Variants in MEGF8 observed in about 807,000 individuals in gnomAD.
MEGF8 encodes the protein multiple epidermal growth factor-like domains protein 8.
MEGF8 carries 156 observed loss-of-function variants against 302.9 expected under a neutral mutation model. That is an observed-to-expected ratio of 0.52 (90% CI 0.45 to 0.59). The LOEUF (loss-of-function observed/expected upper bound fraction) is 0.59. Among genes scored for constraint, MEGF8 ranks in the 20% least tolerant of loss-of-function variants. The probability of loss-of-function intolerance (pLI) is 0.00; values close to 1 mark genes in which losing one functional copy is unlikely to be tolerated. For synonymous variants in MEGF8, 1,621 were observed against 1,660.5 expected (o/e 0.98, Z 0.58); for missense variants, 3,345 against 3,964.5 (o/e 0.84, Z 4.20).
chr19:42,362,388 C>T lies in MEGF8; in HGVS notation c.5849C>T (p.Ser1950Phe). 6.2e-7 allele frequency: 1 copy of T among 1,613,878 alleles called. No individual in the cohort carries two copies. The highest frequency in any genetic ancestry group is 8.5e-7 in the Non-Finnish European group (1 of 1,179,852). ...RTLQPGDGEA[S>F]TPRCKWCTNC... ...TAGCCTGTCTTCCCTCACCAGGCGT[C>T]CACCCCCCGCTGTAAGTGGTGTACC... The change falls in exon 34 of 42, where the codon TCC becomes TTC. Residue 1950 changes from serine to phenylalanine, a missense_variant. Transcript: ENST00000251268.
In MEGF8 at chr19:42,336,116, G is replaced by A. The variant is rs539356202; in HGVS notation, c.1014G>A (p.Ala338=). Residue 338 remains alanine (A), a synonymous_variant, in exon 6 of 42, where the codon GCG becomes GCA. Coordinates refer to ENST00000251268, the MANE Select transcript of MEGF8 (RefSeq NM_001271938.2). This position sits in a 1 kb window ranked among gnomAD's most constrained non-coding sequence, Gnocchi z 4.8. ...GGCCCCCAGGCCTGGCAGGTCACGCGGCTGCCCTGGTGGATGATGTCTGGC... is the reference window on the plus strand; with the variant it reads ...GGCCCCCAGGCCTGGCAGGTCACGCAGCTGCCCTGGTGGATGATGTCTGGC... ...SSGPPGLAGH[A]AALVDDVWLY... 115 of 1,607,252 alleles carry A rather than the reference G, an allele frequency of 7.2e-5. No individual in the cohort carries two copies. The highest frequency in any genetic ancestry group is 2.2e-4 in the Admixed American group (13 of 59,888).
chr19:42,335,031 G>A lies in MEGF8; in HGVS notation c.559-4G>A, dbSNP rs759916103. On this transcript the variant is annotated splice_region_variant and splice_polypyrimidine_tract_variant and intron_variant, in intron 3 of 41. Coordinates refer to ENST00000251268, the MANE Select transcript of MEGF8 (RefSeq NM_001271938.2). The stretch of plus-strand genomic sequence containing the variant: ...TCTCTGCCTTTATGTCTCCTTTCCC[G>A]CAGCCCCTGGGACCATGCCGCTGTG... The A allele has an allele frequency of 1.4e-5, 23 of 1,599,980 alleles. No individual in the cohort carries two copies. The highest frequency in any genetic ancestry group is 2.2e-5 in the East Asian group (1 of 44,686).
At position 42,376,942 on chromosome 19, in the gene MEGF8, A is replaced by G. The variant is rs967083590; in HGVS notation, c.*167A>G. On this transcript the variant is annotated 3_prime_UTR_variant, in exon 42 of 42. Transcript: ENST00000251268. This position sits in a 1 kb window ranked among gnomAD's most constrained non-coding sequence, Gnocchi z 8.2. ...CTCCTTTGTTCTGCATTCAGCAGCT[A>G]TTTATCGAGTACCTACTCTGTCAGG... The G allele has an allele frequency of 5.9e-5, 39 of 655,678 alleles. No individual in the cohort carries two copies. In the South Asian group the frequency reaches 1.3e-3, roughly 22 times the overall value. 40.6% of individuals were successfully genotyped at this position (655,678 alleles called of 1,614,324 possible). A position where few individuals can be genotyped will look rare whatever the true frequency, so the allele number is the denominator to read the frequency against.
Position 42,371,370 on chromosome 19 carries a change from C to A in MEGF8, c.7157C>A (p.Ala2386Glu). Residue 2386 changes from alanine to glutamate, a missense_variant, in exon 41 of 42, where the codon GCG becomes GAG. Ala to Glu is a moderately radical substitution (Grantham distance 107). Coordinates refer to ENST00000251268, the MANE Select transcript of MEGF8 (RefSeq NM_001271938.2). ...KCTKCQCNGH[A>E]DTCNEQDGTG... is the part of the protein sequence containing the mutation. ...CCCAGATGCCAGTGTAATGGCCACG[C>A]GGACACATGTAACGAGCAGGATGGG... 1 of 1,613,890 alleles carries A rather than the reference C, an allele frequency of 6.2e-7. No homozygotes were observed. Among genetic ancestry groups the A allele is most frequent in the Non-Finnish European group, 8.5e-7 (1 of 1,179,850 alleles).
rs764670241 is a variant in MEGF8 at position 42,360,804 on chromosome 19, G to A, written c.5518G>A (p.Glu1840Lys). 1.2e-6 allele frequency: 2 copies of A among 1,601,358 alleles called. No individual in the cohort carries two copies. Among genetic ancestry groups the A allele is most frequent in the South Asian group, 1.1e-5 (1 of 89,388 alleles). Residue 1840 changes from glutamate (E) to lysine (K), a missense_variant, in exon 32 of 42, where the codon GAG (glutamate) becomes AAG (lysine). By Grantham distance (56) the Glu-to-Lys change is moderately conservative. Coordinates refer to ENST00000251268, the MANE Select transcript of MEGF8 (RefSeq NM_001271938.2). Reference sequence around the variant, plus strand: ...GGCCTCTGTGGGGCCCCCAATGGAGGAGTCTGTGGCCCATGCTGTGGCAGC... The same window carrying A: ...GGCCTCTGTGGGGCCCCCAATGGAGAAGTCTGTGGCCCATGCTGTGGCAGC... ...RSASVGPPMEESVAHAVAAVG... is the reference protein window; with the variant it reads ...RSASVGPPMEKSVAHAVAAVG...
At chr19:42,359,866 T>G (rs1374164810) in intron 31 of MEGF8, among the ~76,000 whole-genome samples, 1 of 150,462 alleles carries the variant, frequency 6.6e-6, no homozygotes, top group Non-Finnish European at 1.5e-5. Context: ...TTTTTTTTTT[T>G]TTTTTTTTTG....
chr19:42,354,438 T>A lies in MEGF8; in HGVS notation c.4012-150T>A. On this transcript the variant is annotated intron_variant, in intron 22 of 41. Coordinates refer to ENST00000251268, the MANE Select transcript of MEGF8 (RefSeq NM_001271938.2). The surrounding 1 kb of genome is among the most constrained non-coding windows in gnomAD (Gnocchi z 4.3). ...CACAGGAAGGGGAGTGGTGGCCTTA[T>A]GCCATAGTTTGACAGTCTCCCCTGG... 1 of 914,908 alleles carries A rather than the reference T, an allele frequency of 1.1e-6. No homozygotes were observed. Among genetic ancestry groups the A allele is most frequent in the East Asian group, 2.4e-5 (1 of 40,882 alleles). 56.7% of individuals were successfully genotyped at this position (914,908 alleles called of 1,614,324 possible).
At chr19:42,361,240 C>T (rs1000971479) in intron 32 of MEGF8, among the ~76,000 whole-genome samples, 7 of 152,092 alleles carry the variant, frequency 4.6e-5, no homozygotes, top group African/African-American at 1.7e-4. Flanking sequence ...CTTAAAAGAA[C>T]GGTAGAGTTG....
rs769818172 is a variant in MEGF8, at chr19:42,376,066, G to C, written c.7829G>C (p.Ser2610Thr). The change falls in exon 42 of 42, where the codon AGC becomes ACC. Residue 2610 changes from serine to threonine, a missense_variant. Coordinates refer to ENST00000251268, the MANE Select transcript of MEGF8 (RefSeq NM_001271938.2). The surrounding 1 kb of genome is among the most constrained non-coding windows in gnomAD (Gnocchi z 8.2). The part of the protein sequence containing the change: ...YPHEHHALKS[S>T]RFYLLLLGVG... ...CACGAGCACCATGCCCTCAAGTCGA[G>C]CCGCTTCTACCTGCTGCTGCTGGGC... The C allele has an allele frequency of 6.2e-7, 1 of 1,605,080 alleles. No individual in the cohort carries two copies. Among genetic ancestry groups the C allele is most frequent in the Non-Finnish European group, 8.5e-7 (1 of 1,178,710 alleles).
chr19:42,375,825 C>G lies in MEGF8; in HGVS notation c.7588C>G (p.Pro2530Ala). 6.2e-7 allele frequency: 1 copy of G among 1,611,842 alleles called. No individual in the cohort carries two copies. Among genetic ancestry groups the G allele is most frequent in the Non-Finnish European group, 8.5e-7 (1 of 1,179,612 alleles). The change falls in exon 42 of 42, where the codon CCA becomes GCA. Residue 2530 changes from proline (P) to alanine (A), a missense_variant. Pro to Ala is a conservative substitution (Grantham distance 27). Coordinates refer to ENST00000251268, the MANE Select transcript of MEGF8 (RefSeq NM_001271938.2). This position sits in a 1 kb window ranked among gnomAD's most constrained non-coding sequence, Gnocchi z 7.1. ...CCATACTGTACACATCCAGCCACCCCCAGCCCCACCACCTCCACCACCCCC... is the reference window on the plus strand; with the variant it reads ...CCATACTGTACACATCCAGCCACCCGCAGCCCCACCACCTCCACCACCCCC... The part of the protein sequence containing the change: ...GVHTVHIQPP[P>A]APPPPPPPAD...
At position 42,344,861 on chromosome 19, in the gene MEGF8, G is replaced by A. The variant is rs1202691990; in HGVS notation, c.2097+28G>A. ...GGGTAGGAGGCGTGGCCCTGGGTGG[G>A]GTGTTGATGATCCTGATCCTAGGGT... On this transcript the variant is annotated intron_variant, in intron 12 of 41. Transcript: ENST00000251268. This position sits in a 1 kb window ranked among gnomAD's most constrained non-coding sequence, Gnocchi z 4.5. 9 of 1,514,394 alleles carry A rather than the reference G, an allele frequency of 5.9e-6. No homozygotes were observed. Among genetic ancestry groups the A allele is most frequent in the Non-Finnish European group, 8.0e-6 (9 of 1,127,224 alleles). The allele number at this position is 1,514,394 out of a possible 1,614,324, so 93.8% of individuals were successfully genotyped here.
Position 42,352,367 on chromosome 19 carries a change from G to A in MEGF8, c.3261G>A (p.Pro1087=), listed in dbSNP as rs377425535. Residue 1087 remains proline, a synonymous_variant, in exon 19 of 42, where the codon CCG becomes CCA. Coordinates refer to ENST00000251268, the MANE Select transcript of MEGF8 (RefSeq NM_001271938.2). This position sits in a 1 kb window ranked among gnomAD's most constrained non-coding sequence, Gnocchi z 4.4. Reference sequence around the variant, plus strand: ...GCCTGGGCCTGGCCCGGTGCCACCCGCGGGCGACCTGCCTGAACACGCCCC... The same window carrying A: ...GCCTGGGCCTGGCCCGGTGCCACCCACGGGCGACCTGCCTGAACACGCCCC... ...ECRLGLARCH[P]RATCLNTPLS... 1.1e-5 allele frequency: 17 copies of A among 1,588,828 alleles called. No homozygotes were observed. The highest frequency in any genetic ancestry group is 1.7e-4 in the Middle Eastern group (1 of 6,024).
Position 42,368,654 on chromosome 19 carries a change from C to T in MEGF8, c.6473C>T (p.Pro2158Leu). 2 of 1,545,298 alleles carry T rather than the reference C, an allele frequency of 1.3e-6. No homozygotes were observed. The highest frequency in any genetic ancestry group is 1.2e-5 in the South Asian group (1 of 82,758). ...GRCMEGGLSG[P>L]RDGLTCGRPG... is the part of the protein sequence containing the mutation. Reference sequence around the variant, plus strand: ...TGCATGGAGGGTGGACTCAGCGGCCCCCGTGATGGTGAGAGGGCTTTGGGC... The same window carrying T: ...TGCATGGAGGGTGGACTCAGCGGCCTCCGTGATGGTGAGAGGGCTTTGGGC... Residue 2158 changes from proline (P) to leucine (L), a missense_variant, in exon 36 of 42, where the codon CCC (proline) becomes CTC (leucine). Physicochemically the swap from Pro to Leu is moderately conservative, Grantham distance 98 (BLOSUM62 -3). Coordinates refer to ENST00000251268, the MANE Select transcript of MEGF8 (RefSeq NM_001271938.2). This position sits in a 1 kb window ranked among gnomAD's most constrained non-coding sequence, Gnocchi z 4.9.
chr19:42,355,456 T>G (rs377142595), intron 23 of MEGF8, among the ~76,000 whole-genome samples: 2 of 151,804 alleles, frequency 1.3e-5, no homozygotes, highest in African/African-American at 4.8e-5. Context: ...CCACCATGAG[T>G]GGGGAGTGTA....
rs1316527017 is a variant in MEGF8, at chr19:42,378,619, C to G, written c.*1844C>G. ...TTTCCCAAGACTTCCATCACTAGCT[C>G]CTGGAGGGACTGGACTTTGCATCTT... is the stretch of plus-strand genomic sequence containing the variant. On this transcript the variant is annotated 3_prime_UTR_variant, in exon 42 of 42. Transcript: ENST00000251268. The G allele has an allele frequency of 2.0e-5, 3 of 153,828 alleles. No individual in the cohort carries two copies. Among genetic ancestry groups the G allele is most frequent in the Non-Finnish European group, 2.9e-5 (2 of 68,108 alleles). 9.5% of individuals were successfully genotyped at this position (153,828 alleles called of 1,614,324 possible).
At position 42,376,363 on chromosome 19, in the gene MEGF8, C is replaced by T. The variant is rs765750865; in HGVS notation, c.8126C>T (p.Thr2709Ile). ...ACCGTCTGCTTCCCACCTGACCCTA[C>T]TGCCCCGGCCTCCGCCTGGAAGCCG... ...KVTVCFPPDP[T>I]APASAWKPAG... Residue 2709 changes from threonine (T) to isoleucine (I), a missense_variant, in exon 42 of 42, where the codon ACT (threonine) becomes ATT (isoleucine). Physicochemically the swap from Thr to Ile is moderately conservative, Grantham distance 89 (BLOSUM62 -1). Transcript: ENST00000251268. The surrounding 1 kb of genome is among the most constrained non-coding windows in gnomAD (Gnocchi z 8.2). 6.2e-7 allele frequency: 1 copy of T among 1,613,442 alleles called. No individual in the cohort carries two copies. Among genetic ancestry groups the T allele is most frequent in the Non-Finnish European group, 8.5e-7 (1 of 1,179,818 alleles).
In MEGF8 at chr19:42,362,226, G is replaced by A; in HGVS notation, c.5844+13G>A. 1 of 1,610,036 alleles carries A rather than the reference G, an allele frequency of 6.2e-7. No individual in the cohort carries two copies. The highest frequency in any genetic ancestry group is 8.5e-7 in the Non-Finnish European group (1 of 1,179,270). On this transcript the variant is annotated intron_variant, in intron 33 of 41. Coordinates refer to ENST00000251268, the MANE Select transcript of MEGF8 (RefSeq NM_001271938.2). Reference sequence around the variant, plus strand: ...TGGAGATGGAGAGGTGAGTGGTGGGGAAGGCAGGGATGAGAAGCAGCAGGT... The same window carrying A: ...TGGAGATGGAGAGGTGAGTGGTGGGAAAGGCAGGGATGAGAAGCAGCAGGT...
At position 42,352,578 on chromosome 19, in the gene MEGF8, G is replaced by A. The variant is rs1269462935; in HGVS notation, c.3350+122G>A. ...GGAACCAGCATCCCCAGTTAGCCAGGGGTTTTTACCTTGCACACTAGGTCC... is the reference window on the plus strand; with the variant it reads ...GGAACCAGCATCCCCAGTTAGCCAGAGGTTTTTACCTTGCACACTAGGTCC... On this transcript the variant is annotated intron_variant, in intron 19 of 41. Coordinates refer to ENST00000251268, the MANE Select transcript of MEGF8 (RefSeq NM_001271938.2). The surrounding 1 kb of genome is among the most constrained non-coding windows in gnomAD (Gnocchi z 4.4). The A allele has an allele frequency of 3.0e-5, 40 of 1,319,880 alleles. No individual in the cohort carries two copies. In the Admixed American group the frequency reaches 3.7e-4, roughly 12 times the overall value. 81.8% of individuals were successfully genotyped at this position (1,319,880 alleles called of 1,614,324 possible). A position where few individuals can be genotyped will look rare whatever the true frequency, so the allele number is the denominator to read the frequency against.
intron 1 of MEGF8, 71 bp from the exon 2 acceptor site, chr19:42,333,534 G>T: frequency 2.0e-6 from 3 of 1,486,876 alleles, no homozygotes; most frequent in South Asian, 1.2e-5. Flanking sequence ...GTGTACAATT[G>T]TGGGAGGCTG....
Sources: gnomAD v4.1 joint callset for allele counts (sites outside exome capture counted in the v4.1 genomes callset) on GRCh38, gnomAD v4.1.1 for gene constraint, Gnocchi (gnomAD v3.1) non-coding constraint, MANE v1.5 for transcripts, NCBI Gene and HGNC (gene_info 2026-07-23, HGNC 2026-07-21) for gene names.